Variants in TMEM198 observed in about 807,000 individuals in gnomAD.
TMEM198 encodes the protein transmembrane protein 198.
Under a neutral mutation model 31.5 loss-of-function variants are expected in TMEM198, and 21 were observed. The ratio of observed to expected loss-of-function variants is 0.67; its 90% CI spans 0.47 to 0.96. TMEM198 has a LOEUF of 0.96. Among genes scored for constraint, TMEM198 ranks in the 40% least tolerant of loss-of-function variants. TMEM198 has a pLI of 0.00. For synonymous variants in TMEM198, 211 were observed against 223.3 expected (o/e 0.95, Z 0.49); for missense variants, 447 against 499.4 (o/e 0.89, Z 1.00).
In TMEM198 at chr2:219,547,917, A is replaced by T; in HGVS notation, c.578A>T (p.Glu193Val). 1 of 1,596,368 alleles carries T rather than the reference A, an allele frequency of 6.3e-7. No homozygotes were observed. ...LIATAADYFA[E>V]LLLLGRYVVE... Reference sequence around the variant, plus strand: ...GCCACTGCCGCTGACTACTTCGCCGAGCTGCTACTGCTGGGGCGCTACGTG... The same window carrying T: ...GCCACTGCCGCTGACTACTTCGCCGTGCTGCTACTGCTGGGGCGCTACGTG... Residue 193 changes from glutamate to valine, a missense_variant, in exon 3 of 5, where the codon GAG becomes GTG. Coordinates refer to ENST00000373883, the MANE Select transcript of TMEM198 (RefSeq NM_001005209.3).
Position 219,550,161 on chromosome 2 carries a change from C to T in TMEM198, c.*307C>T, listed in dbSNP as rs933310000. On this transcript the variant is annotated 3_prime_UTR_variant, in exon 5 of 5. Coordinates refer to ENST00000373883, the MANE Select transcript of TMEM198 (RefSeq NM_001005209.3). ...GGGGTGGGCAGGCTTGGAGGGGACG[C>T]TGGGACCCTTGCCTTAGATTTCTGA... 6.9e-6 allele frequency: 2 copies of T among 291,732 alleles called. No homozygotes were observed. The highest frequency in any genetic ancestry group is 1.3e-5 in the Non-Finnish European group (2 of 157,354). 18.1% of individuals were successfully genotyped at this position (291,732 alleles called of 1,614,324 possible).
At chr2:219,548,960 A>G (rs1046640733) in intron 3 of TMEM198, 192 bp from the exon 4 acceptor site, 31 of 615,762 alleles carry the variant, frequency 5.0e-5, no homozygotes, top group Non-Finnish European at 5.7e-5. Flanking sequence ...GACCTATGGA[A>G]GAAAAGAACA....
chr2:219,543,672 G>T, upstream of TMEM198: 1 of 581,798 alleles, frequency 1.7e-6, no homozygotes, highest in Non-Finnish European at 2.6e-6. Context: ...CCTCCCCGCA[G>T]AGCAGAGCCA....
chr2:219,548,053 G>A lies in TMEM198; in HGVS notation c.714G>A (p.Val238=), dbSNP rs1262829449. Residue 238 remains valine, a synonymous_variant, in exon 3 of 5, where the codon GTG becomes GTA. Coordinates refer to ENST00000373883, the MANE Select transcript of TMEM198 (RefSeq NM_001005209.3). ...TGGGCGTTCTGGTGCAGTGGAGGGTGACAGCTGAGGGGGACTCCCACACGG... is the reference window on the plus strand; with the variant it reads ...TGGGCGTTCTGGTGCAGTGGAGGGTAACAGCTGAGGGGGACTCCCACACGG... ...SLMGVLVQWR[V]TAEGDSHTEV... 1.3e-6 allele frequency: 2 copies of A among 1,574,386 alleles called. No homozygotes were observed. Among genetic ancestry groups the A allele is most frequent in the Non-Finnish European group, 1.7e-6 (2 of 1,161,566 alleles).
At chr2:219,547,054 G>A (rs1039046291) in intron 2 of TMEM198, among the ~76,000 whole-genome samples, 3 of 152,046 alleles carry the variant, frequency 2.0e-5, no homozygotes, top group South Asian at 4.1e-4. Context: ...CTGCCACCAC[G>A]CCCGGCCCTC....
chr2:219,549,503 A>T, intron 4 of TMEM198, 149 bp downstream of exon 4: 1 of 1,269,000 alleles, frequency 7.9e-7, no homozygotes, highest in Non-Finnish European at 1.1e-6. Context: ...CCCATGCACC[A>T]GGGGCTTGGC....
intron 2 of TMEM198, 77 bp downstream of exon 2, chr2:219,544,970 T>C (rs1451886013): frequency 1.7e-5 from 26 of 1,506,774 alleles, no homozygotes; most frequent in Non-Finnish European, 2.3e-5. Flanking sequence ...CCAAGTCTTC[T>C]CTGAATCCCT....
Position 219,549,665 on chromosome 2 carries a change from T to G in TMEM198, c.946-52T>G. 3.7e-6 allele frequency: 6 copies of G among 1,600,044 alleles called. No individual in the cohort carries two copies. The South Asian group carries it at 6.6e-5, about 18-fold the overall frequency. ...TGTGGGAATTCAGGAAGAGGTGGCT[T>G]TTAGGGCAGGATTCTGCGGTGGGAC... On this transcript the variant is annotated intron_variant, in intron 4 of 4. Coordinates refer to ENST00000373883, the MANE Select transcript of TMEM198 (RefSeq NM_001005209.3).
chr2:219,543,887 G>A, upstream of TMEM198: 2 of 352,612 alleles, frequency 5.7e-6, no homozygotes, highest in East Asian at 7.2e-5. Flanking sequence ...AAAGGGGAAG[G>A]ACCCCCGGAA....
At chr2:219,544,582 A>G in intron 1 of TMEM198, 107 bp from the exon 2 acceptor site, 2 of 850,658 alleles carry the variant, frequency 2.4e-6, no homozygotes, top group Non-Finnish European at 3.6e-6. Flanking sequence ...AAATGTGGAT[A>G]CTATTCCTTT....
At chr2:219,546,695 T>C (rs1695393745) in intron 2 of TMEM198, among the ~76,000 whole-genome samples, 1 of 152,090 alleles carries the variant, frequency 6.6e-6, no homozygotes. Context: ...TTGTAACCTT[T>C]CAGTGGTGCC....
Position 219,550,427 on chromosome 2 carries a change from G to A in TMEM198, c.*573G>A. 1 of 212,688 alleles carries A rather than the reference G, an allele frequency of 4.7e-6. No homozygotes were observed. The allele number at this position is 212,688 out of a possible 1,614,324, so 13.2% of individuals were successfully genotyped here. A position where few individuals can be genotyped will look rare whatever the true frequency, so the allele number is the denominator to read the frequency against. ...CAGTGGCAGGAGATGGGGGTGGGGG[G>A]GTGCTGCTCTGGGCTGGGTTGGGAA... On this transcript the variant is annotated 3_prime_UTR_variant, in exon 5 of 5. Transcript: ENST00000373883.
At chr2:219,545,344 C>A (rs1695369044) in intron 2 of TMEM198, among the ~76,000 whole-genome samples, 1 of 152,190 alleles carries the variant, frequency 6.6e-6, no homozygotes, top group African/African-American at 2.4e-5. Context: ...AGGGAGGAGA[C>A]TCCCTGGAGC....
chr2:219,547,624 C>T lies in TMEM198; in HGVS notation c.285C>T (p.Ser95=), dbSNP rs772147502. 74 of 1,512,778 alleles carry T rather than the reference C, an allele frequency of 4.9e-5. No individual in the cohort carries two copies. The highest frequency in any genetic ancestry group is 3.1e-4 in the Admixed American group (15 of 47,712). The allele number at this position is 1,512,778 out of a possible 1,614,324, so 93.7% of individuals were successfully genotyped here. A position where few individuals can be genotyped will look rare whatever the true frequency, so the allele number is the denominator to read the frequency against. The part of the protein sequence containing the change: ...VLETQLSAGA[S]AGIALGIGLL... ...AGACACAGCTGAGTGCTGGGGCGAG[C>T]GCGGGCATCGCTCTGGGCATCGGGC... Residue 95 remains serine (S), a synonymous_variant, in exon 3 of 5, where the codon AGC becomes AGT. Coordinates refer to ENST00000373883, the MANE Select transcript of TMEM198 (RefSeq NM_001005209.3).
chr2:219,548,203 T>G (rs2105995465), intron 3 of TMEM198, 122 bp downstream of exon 3: 1 of 933,292 alleles, frequency 1.1e-6, no homozygotes, highest in East Asian at 2.7e-5. Context: ...GAGAGCTGAC[T>G]TGCTCAGGGT....
At chr2:219,544,567 T>A in intron 1 of TMEM198, 122 bp from the exon 2 acceptor site, 1 of 769,298 alleles carries the variant, frequency 1.3e-6, no homozygotes, top group Admixed American at 2.7e-5. Context: ...CTTCCGGAGC[T>A]GCACAAATGT....
At chr2:219,544,650 C>A in intron 1 of TMEM198, 39 bp from the exon 2 acceptor site, 1 of 1,555,710 alleles carries the variant, frequency 6.4e-7, no homozygotes, top group South Asian at 1.1e-5. Flanking sequence ...CTGGTGGGGA[C>A]CCAGGACTCC....
Position 219,549,713 on chromosome 2 carries a change from A to ACAGAGCTATACC in TMEM198, c.952_953insCCCAGAGCTATA. 1 of 1,613,436 alleles carries ACAGAGCTATACC rather than the reference A, an allele frequency of 6.2e-7. No homozygotes were observed. The highest frequency in any genetic ancestry group is 1.1e-5 in the South Asian group (1 of 91,070). ...GACTCACACCTATGTTTGCTCCCCC[A>ACAGAGCTATACC]CAGAGCTATATCCAGAGCTTCCGAG... On this transcript the variant is annotated splice_polypyrimidine_tract_variant and splice_region_variant and intron_variant, in intron 4 of 4. Transcript: ENST00000373883.
rs553210239 is a variant in TMEM198 at position 219,546,946 on chromosome 2, T to C, written c.167-560T>C. Among the ~76,000 whole-genome samples the C allele has an allele frequency of 3.3e-5, 5 of 152,086 alleles. No homozygotes were observed. The South Asian group carries it at 1.0e-3, about 32-fold the overall frequency. The stretch of plus-strand genomic sequence containing the variant: ...GGTGCGTGCCACCATGCCCGGCTAA[T>C]TTTTCGTATTTTTAGTAGAGACGGG... On this transcript the variant is annotated intron_variant, in intron 2 of 4. Transcript: ENST00000373883.
Sources: gnomAD v4.1 joint callset for allele counts (sites outside exome capture counted in the v4.1 genomes callset) on GRCh38, gnomAD v4.1.1 for gene constraint, MANE v1.5 for transcripts, NCBI Gene and HGNC (gene_info 2026-07-23, HGNC 2026-07-21) for gene names.